LIN28B: variants seen among roughly 807,000 people sequenced by gnomAD.
LIN28B encodes the protein protein lin-28 homolog B.
A neutral mutation model predicts 21.9 loss-of-function variants in LIN28B; 5 were observed. The observed-to-expected ratio is 0.23, with a 90% CI of 0.12 to 0.48. LIN28B has a LOEUF of 0.48. Among genes scored for constraint, LIN28B ranks in the 20% least tolerant of loss-of-function variants. The pLI, the probability that LIN28B is intolerant of heterozygous loss-of-function variation, is 0.98. For synonymous variants in LIN28B, 109 were observed against 111.3 expected, an observed-to-expected ratio of 0.98 and a Z score of 0.13; for missense variants, 245 against 310.5, an observed-to-expected ratio of 0.79 and a Z score of 1.58.
At chr6:104,943,174 A>G (rs1256693369) in intron 2 of LIN28B, among the ~76,000 whole-genome samples, 1 of 152,176 alleles carries the variant, frequency 6.6e-6, no homozygotes, top group Non-Finnish European at 1.5e-5. Flanking sequence ...TTTATTGCAC[A>G]TATAAATCCC....
At chr6:105,046,541 A>C (rs1217680094) in intron 3 of LIN28B, among the ~76,000 whole-genome samples, 1 of 152,188 alleles carries the variant, frequency 6.6e-6, no homozygotes, top group African/African-American at 2.4e-5. Flanking sequence ...CAGTAATGGG[A>C]TGGCTAGGTC....
intron 3 of LIN28B, among the ~76,000 whole-genome samples, chr6:105,056,060 C>T (rs1287369588): frequency 6.6e-6 from 1 of 151,854 alleles, no homozygotes; most frequent in East Asian, 1.9e-4. Context: ...TGTGCCCAGC[C>T]TCTGTTTTTA....
chr6:105,040,876 C>T (rs890315905), intron 3 of LIN28B, among the ~76,000 whole-genome samples: 1 of 151,954 alleles, frequency 6.6e-6, no homozygotes, highest in South Asian at 2.1e-4. Context: ...TAAATTTCCT[C>T]CTTATATGCA....
At chr6:105,024,115 A>G (rs1356550508) in intron 2 of LIN28B, among the ~76,000 whole-genome samples, 1 of 151,892 alleles carries the variant, frequency 6.6e-6, no homozygotes, top group Non-Finnish European at 1.5e-5. Flanking sequence ...CAGCCTCCCA[A>G]GTAGCTGGGA....
chr6:104,966,954 C>T (rs1251208293), intron 2 of LIN28B, among the ~76,000 whole-genome samples: 4 of 151,898 alleles, frequency 2.6e-5, no homozygotes, highest in Non-Finnish European at 4.4e-5. Flanking sequence ...TTTGTAGAGA[C>T]GGGGTCTCCC....
intron 3 of LIN28B, among the ~76,000 whole-genome samples, chr6:105,053,723 G>GTGTGTGTC (rs1562108176): frequency 1.3e-5 from 2 of 151,578 alleles, no homozygotes; most frequent in Non-Finnish European, 1.5e-5. Context: ...GCGTGTGTGT[G>GTGTGTGTC]TGTGTGTGTG....
chr6:105,018,216 G>T (rs1457914869), intron 2 of LIN28B, among the ~76,000 whole-genome samples: 1 of 152,092 alleles, frequency 6.6e-6, no homozygotes, highest in Non-Finnish European at 1.5e-5. Flanking sequence ...GAGTCCAGGA[G>T]GTCAAGACTA....
intron 3 of LIN28B, among the ~76,000 whole-genome samples, chr6:105,040,056 C>T (rs1478069691): frequency 1.3e-5 from 2 of 152,042 alleles, no homozygotes; most frequent in Admixed American, 6.6e-5. Context: ...TTCTTTTTCT[C>T]CTCGTTTACT....
chr6:105,023,299 T>TATATTATATATAA (rs1771180223), intron 2 of LIN28B, among the ~76,000 whole-genome samples: 4 of 38,744 alleles, frequency 1.0e-4, no homozygotes, highest in Non-Finnish European at 1.6e-4. Context: ...ATATATATAT[T>TATATTATATATAA]TATATATAAT....
intron 2 of LIN28B, among the ~76,000 whole-genome samples, chr6:104,988,834 C>T (rs574262216): frequency 4.6e-5 from 7 of 152,262 alleles, no homozygotes; most frequent in Non-Finnish European, 8.8e-5. Flanking sequence ...CTGCCTTGGC[C>T]TCCCAAAGTG....
At chr6:105,007,862 T>C (rs901683627) in intron 2 of LIN28B, among the ~76,000 whole-genome samples, 1 of 152,194 alleles carries the variant, frequency 6.6e-6, no homozygotes, top group African/African-American at 2.4e-5. Context: ...CAGGCTGGTC[T>C]CTAACTCCTG....
chr6:105,055,456 C>A (rs190662196), intron 3 of LIN28B, among the ~76,000 whole-genome samples: 14 of 152,252 alleles, frequency 9.2e-5, no homozygotes, highest in African/African-American at 3.1e-4. Context: ...ACTCCTGTAC[C>A]TCTCCCTCCT....
chr6:105,039,356 G>T (rs1769957209), intron 3 of LIN28B, among the ~76,000 whole-genome samples: 1 of 152,088 alleles, frequency 6.6e-6, no homozygotes, highest in African/African-American at 2.4e-5. Flanking sequence ...CTGTAAATGA[G>T]AATTTTTAAA....
chr6:104,955,894 G>T, upstream of LIN28B, among the ~76,000 whole-genome samples: 1 of 151,902 alleles, frequency 6.6e-6, no homozygotes, highest in East Asian at 1.9e-4. Context: ...TTCGATAAGG[G>T]CAGAAATACT....
At chr6:104,948,916 C>A (rs1476849902) in intron 2 of LIN28B, among the ~76,000 whole-genome samples, 1 of 152,042 alleles carries the variant, frequency 6.6e-6, no homozygotes, top group Non-Finnish European at 1.5e-5. Flanking sequence ...TTAAAAAAAA[C>A]TCCAAAAGCT....
At chr6:105,054,513 A>T (rs965285397) in intron 3 of LIN28B, among the ~76,000 whole-genome samples, 2 of 152,180 alleles carry the variant, frequency 1.3e-5, no homozygotes, top group African/African-American at 2.4e-5. Flanking sequence ...CTTTCTGTAG[A>T]TCTATCTTTA....
At chr6:104,949,210 T>C (rs1482103723) in intron 2 of LIN28B, among the ~76,000 whole-genome samples, 2 of 152,212 alleles carry the variant, frequency 1.3e-5, no homozygotes, top group Non-Finnish European at 2.9e-5. Flanking sequence ...TAATTAAATA[T>C]ACTCACACAT....
Position 104,998,970 on chromosome 6 carries a change from A to G in LIN28B, c.199-27328A>G, listed in dbSNP as rs956863794. ...AAAGTAAGAAAATGATTTATAATGT[A>G]CAGACAAAAGATTTAAAATCCTTGC... On this transcript the variant is annotated intron_variant, in intron 2 of 3. Coordinates refer to ENST00000345080, the MANE Select transcript of LIN28B (RefSeq NM_001004317.4). 6.6e-5 allele frequency among the ~76,000 whole-genome samples: 10 copies of G among 152,328 alleles called. No homozygotes were observed. In the East Asian group the frequency reaches 1.3e-3, roughly 21 times the overall value.
chr6:105,008,750 C>T (rs1191345211), intron 2 of LIN28B, among the ~76,000 whole-genome samples: 3 of 151,842 alleles, frequency 2.0e-5, no homozygotes, highest in African/African-American at 7.3e-5. Context: ...ATAGCGGAAG[C>T]AGTTGAAGAA....
Sources: allele counts gnomAD v4.1 joint callset (sites outside exome capture counted in the v4.1 genomes callset), GRCh38; gene constraint gnomAD v4.1.1; transcripts MANE v1.5; gene names NCBI Gene and HGNC (gene_info 2026-07-23, HGNC 2026-07-21).